The following SSBP1 variants were observed in gnomAD, a reference collection of about 807,000 sequenced individuals.
The protein encoded by SSBP1 is single-stranded DNA-binding protein, mitochondrial.
A neutral mutation model predicts 27.0 loss-of-function variants in SSBP1; 20 were observed. The observed-to-expected ratio is 0.74, with a 90% CI of 0.52 to 1.08. The LOEUF (loss-of-function observed/expected upper bound fraction) is 1.08. Ranked by LOEUF, SSBP1 falls within the 50% of genes least tolerant of loss-of-function variation. The pLI, the probability that SSBP1 is intolerant of heterozygous loss-of-function variation, is 0.00. For missense variants in SSBP1, 137 were observed against 182.4 expected, an observed-to-expected ratio of 0.75 and a Z score of 1.44; for synonymous variants, 59 against 59.3, an observed-to-expected ratio of 1.00 and a Z score of 0.02.
rs1295747049 is a variant in SSBP1, at chr7:141,742,199, G to A, written c.55G>A (p.Glu19Lys). 2 of 1,602,726 alleles carry A rather than the reference G, an allele frequency of 1.2e-6. No homozygotes were observed. The highest frequency in any genetic ancestry group is 1.7e-5 in the Admixed American group (1 of 59,906). Residue 19 changes from glutamate (E) to lysine (K), a missense_variant, in exon 3 of 7, where the codon GAA (glutamate) becomes AAA (lysine). Physicochemically the swap from Glu to Lys is moderately conservative, Grantham distance 56 (BLOSUM62 1). Transcript: ENST00000265304. The part of the protein sequence containing the change: ...VLRQFVRHES[E>K]TTTSLVLERS... The stretch of plus-strand genomic sequence containing the variant: ...TCGTCAGTTTGTAAGACATGAGTCC[G>A]AAACAACTACCAGTTTGGTTCTTGA...
intron 3 of SSBP1, 22 bp from the exon 4 acceptor site, chr7:141,743,539 T>C: frequency 6.2e-7 from 1 of 1,612,598 alleles, no homozygotes; most frequent in Non-Finnish European, 8.5e-7. Context: ...TTGTCTCATT[T>C]GGTCTTGATG....
Position 141,739,109 on chromosome 7 carries a change from G to T in SSBP1, c.-43-15G>T. ...AGAGGTAATGTTTTTTTCTTATTTTGTTTTTTTCCTTCAGGAAAAGCCTAA... is the reference window on the plus strand; with the variant it reads ...AGAGGTAATGTTTTTTTCTTATTTTTTTTTTTTCCTTCAGGAAAAGCCTAA... On this transcript the variant is annotated splice_polypyrimidine_tract_variant and intron_variant, in intron 1 of 6. Transcript: ENST00000265304. 1 of 1,493,080 alleles carries T rather than the reference G, an allele frequency of 6.7e-7. No homozygotes were observed. Among genetic ancestry groups the T allele is most frequent in the Admixed American group, 2.2e-5 (1 of 45,966 alleles). The allele number at this position is 1,493,080 out of a possible 1,614,324, so 92.5% of individuals were successfully genotyped here.
At position 141,744,753 on chromosome 7, in the gene SSBP1, CAT is replaced by C. The variant is rs760094083; in HGVS notation, c.315-739_315-738del. 4.3e-4 allele frequency among the ~76,000 whole-genome samples: 66 copies of C among 152,222 alleles called. No individual in the cohort carries two copies. In the Middle Eastern group the frequency reaches 0.014, roughly 31 times the overall value. On this transcript the variant is annotated intron_variant, in intron 5 of 6. Coordinates refer to ENST00000265304, the MANE Select transcript of SSBP1 (RefSeq NM_003143.3). ...ATATGTGCACATACACACACAAACA[CAT>C]ATAAGGTATTTCAAGGGAAGTGTCT...
At position 141,742,149 on chromosome 7, in the gene SSBP1, A is replaced by T. The variant is rs1418603810; in HGVS notation, c.25-20A>T. ...TTTCCTAAAAAATTAAAGCCATGTT[A>T]TTCATTTGTTCTTCTTTAGGTACTT... On this transcript the variant is annotated intron_variant, in intron 2 of 6. Transcript: ENST00000265304. The T allele has an allele frequency of 6.4e-7, 1 of 1,571,512 alleles. No individual in the cohort carries two copies. The highest frequency in any genetic ancestry group is 2.3e-5 in the East Asian group (1 of 44,236).
chr7:141,745,349 A>G, intron 5 of SSBP1, 147 bp from the exon 6 acceptor site: 1 of 560,732 alleles, frequency 1.8e-6, no homozygotes, highest in Non-Finnish European at 3.0e-6. Flanking sequence ...AGTACTCCTA[A>G]TCCTGAACCT....
chr7:141,750,436 G>A lies in SSBP1; in HGVS notation c.*82G>A, dbSNP rs919478580. ...TAATCTTTATGGCTTCCAAGGACAA[G>A]AATTAAAATACTCTTTTACGTAAAA... On this transcript the variant is annotated 3_prime_UTR_variant, in exon 7 of 7. Transcript: ENST00000265304. 3 of 1,136,566 alleles carry A rather than the reference G, an allele frequency of 2.6e-6. No homozygotes were observed. In the African/African-American group the frequency reaches 4.8e-5, roughly 18 times the overall value. The allele number at this position is 1,136,566 out of a possible 1,614,324, so 70.4% of individuals were successfully genotyped here.
At chr7:141,738,940 C>G (rs1391439570) in intron 1 of SSBP1, 184 bp from the exon 2 acceptor site, 1 of 435,758 alleles carries the variant, frequency 2.3e-6, no homozygotes, top group African/African-American at 2.0e-5. Context: ...AAAAGACATA[C>G]AGGTGTGAGT....
chr7:141,748,297 A>G (rs1238475442), intron 6 of SSBP1, among the ~76,000 whole-genome samples: 1 of 152,150 alleles, frequency 6.6e-6, no homozygotes, highest in East Asian at 1.9e-4. Context: ...TAATTTTTTT[A>G]CTAAATATCG....
chr7:141,740,575 G>A (rs1225553895), intron 2 of SSBP1: 2 of 152,158 alleles, frequency 1.3e-5, no homozygotes. Context: ...TACATAACTT[G>A]TAGATTTAGT....
chr7:141,741,702 A>G (rs1030541730), intron 2 of SSBP1: 5 of 889,746 alleles, frequency 5.6e-6, no homozygotes, highest in Non-Finnish European at 6.7e-6. Context: ...TAGAGGATGT[A>G]TATATTGAAT....
chr7:141,741,957 C>T (rs1050752786), intron 2 of SSBP1, among the ~76,000 whole-genome samples: 2 of 152,192 alleles, frequency 1.3e-5, no homozygotes, highest in Non-Finnish European at 2.9e-5. Flanking sequence ...TAGTACCTTC[C>T]TTCTACCTTT....
At chr7:141,739,214 C>G (rs757302962) in intron 2 of SSBP1, 24 bp downstream of exon 2, 1 of 1,570,718 alleles carries the variant, frequency 6.4e-7, no homozygotes, top group East Asian at 2.3e-5. Context: ...TGTATTAATA[C>G]TGAGATGTAT....
At chr7:141,742,463 T>G (rs1799578951) in intron 3 of SSBP1, among the ~76,000 whole-genome samples, 1 of 152,208 alleles carries the variant, frequency 6.6e-6, no homozygotes, top group South Asian at 2.1e-4. Flanking sequence ...CTGTCCTGCA[T>G]AAGAATTTCC....
intron 2 of SSBP1, chr7:141,740,529 C>G (rs775300931): frequency 6.6e-6 from 1 of 152,198 alleles, no homozygotes; most frequent in Non-Finnish European, 1.5e-5. Context: ...TGCAGTCTCT[C>G]TGAGGTGTTT....
intron 3 of SSBP1, among the ~76,000 whole-genome samples, chr7:141,743,077 T>TGA (rs1316740323): frequency 4.7e-4 from 71 of 152,306 alleles, no homozygotes; most frequent in African/African-American, 1.7e-3. Flanking sequence ...ATGGTCTCTC[T>TGA]CTCCTGACCT....
chr7:141,742,706 C>T (rs1043757193), intron 3 of SSBP1, among the ~76,000 whole-genome samples: 2 of 152,168 alleles, frequency 1.3e-5, no homozygotes, highest in Non-Finnish European at 2.9e-5. Flanking sequence ...TTTCTTCTTT[C>T]TTGCCAACTC....
intron 6 of SSBP1, among the ~76,000 whole-genome samples, chr7:141,748,425 A>C (rs1045783202): frequency 4.6e-5 from 7 of 152,106 alleles, no homozygotes; most frequent in African/African-American, 1.7e-4. Flanking sequence ...TCCAGAGTTC[A>C]TGTCTTAACC....
chr7:141,739,425 G>T, intron 2 of SSBP1: 1 of 376,294 alleles, frequency 2.7e-6, no homozygotes, highest in Middle Eastern at 6.0e-4. Context: ...TTTTTAAAAT[G>T]TGTGTGTGTT....
intron 1 of SSBP1, 181 bp from the exon 2 acceptor site, chr7:141,738,943 G>A (rs995847010): frequency 2.2e-6 from 1 of 450,504 alleles, no homozygotes; most frequent in South Asian, 4.2e-5. Context: ...AGACATACAG[G>A]TGTGAGTTTA....
Sources: allele counts gnomAD v4.1 joint callset (sites outside exome capture counted in the v4.1 genomes callset), GRCh38; gene constraint gnomAD v4.1.1; transcripts MANE v1.5; gene names NCBI Gene and HGNC (gene_info 2026-07-23, HGNC 2026-07-21).